Variants in MGMT observed in about 807,000 individuals in gnomAD.
MGMT encodes the protein methylated-DNA--protein-cysteine methyltransferase.
Under a neutral mutation model 15.9 loss-of-function variants are expected in MGMT, and 14 were observed. The observed-to-expected ratio is 0.88, with a 90% CI of 0.58 to 1.37. MGMT has a LOEUF of 1.37. MGMT is among the 40% of genes most tolerant of loss of function. The pLI is 0.00. For synonymous variants in MGMT, 130 were observed against 118.2 expected (o/e 1.10, Z -0.65); for missense variants, 282 against 268.1 (o/e 1.05, Z -0.36).
intron 2 of MGMT, among the ~76,000 whole-genome samples, chr10:129,688,242 T>C (rs1239778571): frequency 6.6e-6 from 1 of 152,210 alleles, no homozygotes; most frequent in East Asian, 1.9e-4. Context: ...TATTTCTAGT[T>C]CTAGATCCTT....
rs948973889 is a variant in MGMT, at chr10:129,769,667, C to T, written c.*2670C>T. On this transcript the variant is annotated 3_prime_UTR_variant, in exon 5 of 5. Coordinates refer to ENST00000651593, the MANE Select transcript of MGMT (RefSeq NM_002412.5). ...GCAAAATAAGTTGCCTTTGGCCACGCAGGAGACTGAGTTTTGTGAGGGGTT... is the reference window on the plus strand; with the variant it reads ...GCAAAATAAGTTGCCTTTGGCCACGTAGGAGACTGAGTTTTGTGAGGGGTT... Among the ~76,000 whole-genome samples, 1 of 152,164 alleles carries T rather than the reference C, an allele frequency of 6.6e-6. No homozygotes were observed. Among genetic ancestry groups the T allele is most frequent in the Non-Finnish European group, 1.5e-5 (1 of 68,034 alleles).
intron 3 of MGMT, among the ~76,000 whole-genome samples, chr10:129,736,667 C>T (rs746384093): frequency 5.9e-5 from 9 of 152,106 alleles, no homozygotes; most frequent in Admixed American, 1.3e-4. Flanking sequence ...TGATGGTCTA[C>T]ATTTTGGCAT....
chr10:129,544,841 G>A (rs530767730), intron 2 of MGMT, among the ~76,000 whole-genome samples: 1 of 152,346 alleles, frequency 6.6e-6, no homozygotes, highest in East Asian at 1.9e-4. Flanking sequence ...TGTGAGAAAC[G>A]CCAAGTGTGG....
rs983151307 is a variant in MGMT, at chr10:129,608,491, A to G, written c.125+72114A>G. Among the ~76,000 whole-genome samples, 9 of 152,374 alleles carry G rather than the reference A, an allele frequency of 5.9e-5. 1 individual carries two copies. The highest frequency in any genetic ancestry group is 5.9e-4 in the Admixed American group (9 of 15,312). ...ATAAAGCAAACAACCTTGTTTTGAG[A>G]TTATGAGAATCATTTGAATTGAATG... On this transcript the variant is annotated intron_variant, in intron 2 of 4. Coordinates refer to ENST00000651593, the MANE Select transcript of MGMT (RefSeq NM_002412.5).
At chr10:129,562,659 G>T (rs1257603981) in intron 2 of MGMT, among the ~76,000 whole-genome samples, 1 of 152,168 alleles carries the variant, frequency 6.6e-6, no homozygotes, top group Non-Finnish European at 1.5e-5. Flanking sequence ...CTCTGGCCAG[G>T]GGAGGGGATA....
intron 3 of MGMT, among the ~76,000 whole-genome samples, chr10:129,738,746 T>G (rs1848595633): frequency 6.6e-6 from 1 of 152,222 alleles, no homozygotes; most frequent in African/African-American, 2.4e-5. Context: ...CTGGTACCAT[T>G]CCTTCTGAAA....
At chr10:129,601,602 G>A (rs1051289219) in intron 2 of MGMT, among the ~76,000 whole-genome samples, 4 of 152,176 alleles carry the variant, frequency 2.6e-5, no homozygotes, top group African/African-American at 9.7e-5. Flanking sequence ...CCTCGAGATC[G>A]ATTCAGGCCT....
chr10:129,605,634 T>C (rs1846880326), intron 2 of MGMT, among the ~76,000 whole-genome samples: 2 of 152,238 alleles, frequency 1.3e-5, no homozygotes, highest in African/African-American at 4.8e-5. Context: ...CACTTTATTG[T>C]CCTCCCGAGG....
intron 4 of MGMT, among the ~76,000 whole-genome samples, chr10:129,766,375 T>C (rs1006141087): frequency 3.3e-5 from 5 of 152,216 alleles, no homozygotes; most frequent in Admixed American, 3.3e-4. Flanking sequence ...TGATGCGTCC[T>C]GTGATGCCTG....
intron 2 of MGMT, among the ~76,000 whole-genome samples, chr10:129,641,376 A>T (rs557398710): frequency 2.0e-5 from 3 of 152,334 alleles, no homozygotes; most frequent in African/African-American, 7.2e-5. Context: ...AAACTGATGG[A>T]TTTAACATGA....
chr10:129,621,012 G>A (rs987103683), intron 2 of MGMT, among the ~76,000 whole-genome samples: 1 of 152,144 alleles, frequency 6.6e-6, no homozygotes, highest in African/African-American at 2.4e-5. Context: ...ATGATGGAAT[G>A]CGCTGTATCC....
intron 1 of MGMT, among the ~76,000 whole-genome samples, chr10:129,491,491 A>C (rs1447784310): frequency 2.0e-5 from 3 of 152,042 alleles, no homozygotes; most frequent in Non-Finnish European, 4.4e-5. Flanking sequence ...TCTGTCATCT[A>C]TTGGCAAATT....
chr10:129,555,512 A>C (rs1846203063), intron 2 of MGMT, among the ~76,000 whole-genome samples: 1 of 152,086 alleles, frequency 6.6e-6, no homozygotes, highest in East Asian at 1.9e-4. Flanking sequence ...GGAGTTTGAG[A>C]ACAGCCTGGG....
chr10:129,617,468 C>T (rs1372959811), intron 2 of MGMT, among the ~76,000 whole-genome samples: 4 of 151,888 alleles, frequency 2.6e-5, no homozygotes, highest in Non-Finnish European at 5.9e-5. Flanking sequence ...GTGGATTGAA[C>T]AGTAATTGTG....
At chr10:129,705,313 G>A (rs780919075) in intron 2 of MGMT, among the ~76,000 whole-genome samples, 3 of 152,222 alleles carry the variant, frequency 2.0e-5, no homozygotes, top group African/African-American at 4.8e-5. Context: ...AAAGAGGTTC[G>A]TGCTGCTGAG....
At chr10:129,535,818 A>G (rs1469336592) in intron 1 of MGMT, among the ~76,000 whole-genome samples, 1 of 152,174 alleles carries the variant, frequency 6.6e-6, no homozygotes, top group Non-Finnish European at 1.5e-5. Flanking sequence ...TTCATTCTAA[A>G]ATGTACTTTA....
chr10:129,503,770 T>G (rs1845598171), intron 1 of MGMT, among the ~76,000 whole-genome samples: 1 of 152,256 alleles, frequency 6.6e-6, no homozygotes. Context: ...TGGAATTCTG[T>G]CGGATCCAGG....
chr10:129,594,210 C>T (rs757425974), intron 2 of MGMT, among the ~76,000 whole-genome samples: 8 of 152,164 alleles, frequency 5.3e-5, no homozygotes, highest in Non-Finnish European at 1.0e-4. Flanking sequence ...TGCAATGACT[C>T]AGCCTCTGGG....
intron 2 of MGMT, among the ~76,000 whole-genome samples, chr10:129,623,712 A>T (rs1481416850): frequency 6.6e-6 from 1 of 152,174 alleles, no homozygotes; most frequent in African/African-American, 2.4e-5. Flanking sequence ...TGAAAGGACA[A>T]GTCTTGCTAT....
Sources: gnomAD v4.1 joint callset for allele counts (sites outside exome capture counted in the v4.1 genomes callset) on GRCh38, gnomAD v4.1.1 for gene constraint, MANE v1.5 for transcripts, NCBI Gene and HGNC (gene_info 2026-07-23, HGNC 2026-07-21) for gene names.